Variants in TRPC7 observed in about 807,000 individuals in gnomAD.
TRPC7 encodes the protein short transient receptor potential channel 7.
A neutral mutation model predicts 90.1 loss-of-function variants in TRPC7; 42 were observed. The ratio of observed to expected loss-of-function variants is 0.47; its 90% CI spans 0.36 to 0.60. TRPC7 has a LOEUF of 0.60. TRPC7 is among the 20% of genes least tolerant of loss of function. The pLI is 0.00. For synonymous variants in TRPC7, 451 were observed against 436.3 expected, an observed-to-expected ratio of 1.03 and a Z score of -0.42; for missense variants, 955 against 1,112.3, an observed-to-expected ratio of 0.86 and a Z score of 2.01.
intron 2 of TRPC7, among the ~76,000 whole-genome samples, chr5:136,325,047 C>T (rs1400629157): frequency 8.7e-6 from 1 of 114,768 alleles, no homozygotes; most frequent in Non-Finnish European, 1.8e-5. Flanking sequence ...GATATTTCTG[C>T]TTTTGACATT....
chr5:136,360,229 A>G (rs1760525729), intron 1 of TRPC7, among the ~76,000 whole-genome samples: 1 of 152,208 alleles, frequency 6.6e-6, no homozygotes, highest in South Asian at 2.1e-4. Context: ...TATCATAGAC[A>G]CTGCAGCCTA....
intron 3 of TRPC7, among the ~76,000 whole-genome samples, chr5:136,294,222 T>C (rs963267041): frequency 2.0e-5 from 3 of 152,192 alleles, no homozygotes; most frequent in Non-Finnish European, 4.4e-5. Context: ...ATTCAGGACA[T>C]AGGCATGGGC....
At chr5:136,301,986 G>A (rs1049356664) in intron 3 of TRPC7, among the ~76,000 whole-genome samples, 2 of 152,200 alleles carry the variant, frequency 1.3e-5, no homozygotes, top group African/African-American at 4.8e-5. Context: ...AATCCAGTAA[G>A]CGGCCTCTTT....
rs2149795072 is a variant in TRPC7, at chr5:136,226,067, G to A, written c.2229C>T (p.Asp743=). 3 of 1,603,312 alleles carry A rather than the reference G, an allele frequency of 1.9e-6. No individual in the cohort carries two copies. Among genetic ancestry groups the A allele is most frequent in the East Asian group, 4.5e-5 (2 of 44,738 alleles). ...CKSKAKSCEN[D]LEMGMLNSKF... is the part of the protein sequence containing the mutation. Reference sequence around the variant, plus strand: ...TGGAATTCAGCATGCCCATTTCAAGGTCATTTTCACAGCTTTTGGCCTTAG... The same window carrying A: ...TGGAATTCAGCATGCCCATTTCAAGATCATTTTCACAGCTTTTGGCCTTAG... Residue 743 remains aspartate, a synonymous_variant, in exon 9 of 12, where the codon GAC becomes GAT. Transcript: ENST00000513104.
At chr5:136,287,967 C>T (rs1757788003) in intron 3 of TRPC7, among the ~76,000 whole-genome samples, 1 of 152,084 alleles carries the variant, frequency 6.6e-6, no homozygotes, top group Non-Finnish European at 1.5e-5. Context: ...CTGAGCCAGA[C>T]TTCATATAGT....
rs545213190 is a variant in TRPC7, at chr5:136,236,194, C to T, written c.1845-4645G>A. Among the ~76,000 whole-genome samples the T allele has an allele frequency of 1.7e-4, 26 of 152,294 alleles. 1 individual carries two copies. The South Asian group carries it at 3.9e-3, about 23-fold the overall frequency. On this transcript the variant is annotated intron_variant, in intron 7 of 11. Coordinates refer to ENST00000513104, the MANE Select transcript of TRPC7 (RefSeq NM_020389.3). Reference sequence around the variant, plus strand: ...ATGTGTTTCTGTGCTTTTGGAGGTCCCAGTCTACAAGCAAGCCCAGTAAGA... The same window carrying T: ...ATGTGTTTCTGTGCTTTTGGAGGTCTCAGTCTACAAGCAAGCCCAGTAAGA...
At chr5:136,233,902 C>T (rs1159037942) in intron 7 of TRPC7, among the ~76,000 whole-genome samples, 1 of 152,136 alleles carries the variant, frequency 6.6e-6, no homozygotes, top group African/African-American at 2.4e-5. Flanking sequence ...CTGATTTATC[C>T]TTGGTGCCTT....
intron 3 of TRPC7, among the ~76,000 whole-genome samples, chr5:136,286,466 A>G (rs1757722728): frequency 6.6e-6 from 1 of 152,192 alleles, no homozygotes; most frequent in Non-Finnish European, 1.5e-5. Context: ...TGAGACCCCC[A>G]TGCTGTGAGG....
chr5:136,244,276 C>A (rs555591294), intron 7 of TRPC7, among the ~76,000 whole-genome samples: 1 of 152,044 alleles, frequency 6.6e-6, no homozygotes, highest in East Asian at 1.9e-4. Context: ...GGGGATCCTT[C>A]CACCTCAGCC....
chr5:136,296,983 C>G lies in TRPC7; in HGVS notation c.963+18614G>C, dbSNP rs554773165. Among the ~76,000 whole-genome samples the G allele has an allele frequency of 6.5e-4, 99 of 152,298 alleles. 1 individual carries two copies. Among genetic ancestry groups the G allele is most frequent in the African/African-American group, 2.2e-3 (92 of 41,572 alleles). Reference sequence around the variant, plus strand: ...CAAATTGCCTCCTCTTCCCAAGCTCCTTTCTTCCCATAAATCCAATCCCAG... The same window carrying G: ...CAAATTGCCTCCTCTTCCCAAGCTCGTTTCTTCCCATAAATCCAATCCCAG... On this transcript the variant is annotated intron_variant, in intron 3 of 11. Coordinates refer to ENST00000513104, the MANE Select transcript of TRPC7 (RefSeq NM_020389.3).
intron 6 of TRPC7, among the ~76,000 whole-genome samples, chr5:136,248,134 G>T (rs1434195680): frequency 6.6e-6 from 1 of 152,160 alleles, no homozygotes; most frequent in African/African-American, 2.4e-5. Flanking sequence ...TCCCTCACCA[G>T]TGTTTAGCTC....
intron 3 of TRPC7, among the ~76,000 whole-genome samples, chr5:136,301,361 A>T (rs11744916): frequency 0.49 from 29,610 of 60,828 alleles, 5,891 homozygotes; most frequent in African/African-American, 0.62. Flanking sequence ...TTTTTTTTTT[A>T]ACAAATCATA....
chr5:136,297,532 A>T (rs1025675617), intron 3 of TRPC7, among the ~76,000 whole-genome samples: 1 of 152,154 alleles, frequency 6.6e-6, no homozygotes, highest in African/African-American at 2.4e-5. Flanking sequence ...AATTTGTAAT[A>T]CTTATACTTC....
chr5:136,221,827 T>C (rs1580833768), intron 10 of TRPC7, among the ~76,000 whole-genome samples: 1 of 152,178 alleles, frequency 6.6e-6, no homozygotes, highest in Admixed American at 6.5e-5. Context: ...GGGGAGCAGA[T>C]TGCAGCATAA....
intron 7 of TRPC7, among the ~76,000 whole-genome samples, chr5:136,233,459 TA>T (rs1335605216): frequency 6.6e-6 from 1 of 152,216 alleles, no homozygotes; most frequent in African/African-American, 2.4e-5. Flanking sequence ...ATCTTTCAGT[TA>T]TCACACTCGT....
At chr5:136,307,885 C>A (rs749052688) in intron 3 of TRPC7, among the ~76,000 whole-genome samples, 2 of 152,178 alleles carry the variant, frequency 1.3e-5, no homozygotes, top group East Asian at 1.9e-4. Flanking sequence ...CTACCATGTT[C>A]TAGGTACATT....
At chr5:136,338,462 C>A (rs575206701) in intron 2 of TRPC7, among the ~76,000 whole-genome samples, 16 of 152,262 alleles carry the variant, frequency 1.1e-4, no homozygotes, top group South Asian at 8.3e-4. Context: ...ATAGATGGTA[C>A]CACATCACCT....
rs1238116647 is a variant in TRPC7 at position 136,247,671 on chromosome 5, G to A, written c.1644C>T (p.Val548=). 29 of 1,613,842 alleles carry A rather than the reference G, an allele frequency of 1.8e-5. No homozygotes were observed. The Middle Eastern group carries it at 6.6e-4, about 37-fold the overall frequency. The change falls in exon 7 of 12, where the codon GTC becomes GTT. Residue 548 remains valine, a synonymous_variant. Transcript: ENST00000513104. The surrounding 1 kb of genome is among the most constrained non-coding windows in gnomAD (Gnocchi z 4.2). ...ATGCAATGCGAGAGAAGCTCAGCACGACGGCTATCGCGTAGAGCCCTTCCG... is the reference window on the plus strand; with the variant it reads ...ATGCAATGCGAGAGAAGCTCAGCACAACGGCTATCGCGTAGAGCCCTTCCG... The part of the protein sequence containing the change: ...IISEGLYAIA[V]VLSFSRIAYI...
chr5:136,225,925 C>T, intron 9 of TRPC7, 109 bp downstream of exon 9: 2 of 902,498 alleles, frequency 2.2e-6, no homozygotes, highest in South Asian at 3.4e-5. Context: ...CAGCTCCTGG[C>T]TCCCCTTGCA....
Sources: allele counts gnomAD v4.1 joint callset (sites outside exome capture counted in the v4.1 genomes callset), GRCh38; gene constraint gnomAD v4.1.1; non-coding constraint Gnocchi (gnomAD v3.1); transcripts MANE v1.5; gene names NCBI Gene and HGNC (gene_info 2026-07-23, HGNC 2026-07-21).